Variants in MFHAS1 observed in about 807,000 individuals in gnomAD.
The protein encoded by MFHAS1 is malignant fibrous histiocytoma-amplified sequence 1.
In MFHAS1, 50 loss-of-function variants were observed where a neutral mutation model predicts 70.4. That is an observed-to-expected ratio of 0.71 (90% CI 0.57 to 0.90). The LOEUF is 0.90. Among genes scored for constraint, MFHAS1 ranks in the 40% least tolerant of loss-of-function variants. The pLI is 0.00. For missense variants in MFHAS1, 1,795 were observed against 1,347.6 expected, an observed-to-expected ratio of 1.33 and a Z score of -5.20; for synonymous variants, 952 against 620.0, an observed-to-expected ratio of 1.54 and a Z score of -7.96.
intron 2 of MFHAS1, among the ~76,000 whole-genome samples, chr8:8,787,291 A>C (rs998525392): frequency 6.6e-6 from 1 of 152,270 alleles, no homozygotes; most frequent in African/African-American, 2.4e-5. Flanking sequence ...CATGTTAGCC[A>C]GGATGATCTT....
chr8:8,786,407 C>G lies in MFHAS1; in HGVS notation c.3126-352G>C, dbSNP rs10107316. 6.6e-3 allele frequency among the ~76,000 whole-genome samples: 1,000 copies of G among 152,286 alleles called. 8 individuals carry two copies. The highest frequency in any genetic ancestry group is 0.022 in the African/African-American group (915 of 41,554). The stretch of plus-strand genomic sequence containing the variant: ...CTCTAAACACGGAACTGTTTCCTTT[C>G]AATAAACACACACGGTCACACGCAG... On this transcript the variant is annotated intron_variant, in intron 2 of 2. Transcript: ENST00000276282.
intron 1 of MFHAS1, among the ~76,000 whole-genome samples, chr8:8,870,486 TA>T (rs1197783769): frequency 6.6e-6 from 1 of 151,892 alleles, no homozygotes; most frequent in Non-Finnish European, 1.5e-5. Flanking sequence ...AAAAAAGGTT[TA>T]AAAAGAAAAC....
At chr8:8,821,501 G>A (rs1028548898) in intron 1 of MFHAS1, among the ~76,000 whole-genome samples, 2 of 152,162 alleles carry the variant, frequency 1.3e-5, no homozygotes, top group African/African-American at 4.8e-5. Flanking sequence ...AATGCCACAG[G>A]TTATGAAAAT....
chr8:8,890,048 T>A lies in MFHAS1; in HGVS notation c.2998+13A>T, dbSNP rs1049793982. 1 of 1,566,656 alleles carries A rather than the reference T, an allele frequency of 6.4e-7. No homozygotes were observed. The highest frequency in any genetic ancestry group is 1.8e-5 in the Admixed American group (1 of 56,244). On this transcript the variant is annotated intron_variant, in intron 1 of 2. Coordinates refer to ENST00000276282, the MANE Select transcript of MFHAS1 (RefSeq NM_004225.3). Reference sequence around the variant, plus strand: ...AGCATACCACAGAAGAACTTCTCCCTCTCTCCACTTACCTGGAAAAGCATG... The same window carrying A: ...AGCATACCACAGAAGAACTTCTCCCACTCTCCACTTACCTGGAAAAGCATG...
intron 1 of MFHAS1, among the ~76,000 whole-genome samples, chr8:8,869,669 T>C (rs1250333730): frequency 1.3e-5 from 2 of 152,074 alleles, no homozygotes; most frequent in African/African-American, 2.4e-5. Context: ...AAATTAATCT[T>C]ATCAAATCAC....
In MFHAS1 at chr8:8,892,392, T is replaced by A. The variant is rs1375653420; in HGVS notation, c.667A>T (p.Ile223Phe). ...SNRLRGLPED[I>F]SALRALKILW... ...ATCTTGAGGGCACGCAGGGCACTGA[T>A]ATCCTCAGGCAGGCCCCGCAGCCGG... The change falls in exon 1 of 3, where the codon ATC becomes TTC. Residue 223 changes from isoleucine to phenylalanine, a missense_variant. Transcript: ENST00000276282. The surrounding 1 kb of genome is among the most constrained non-coding windows in gnomAD (Gnocchi z 4.7). 6.2e-7 allele frequency: 1 copy of A among 1,612,598 alleles called. No homozygotes were observed. Among genetic ancestry groups the A allele is most frequent in the East Asian group, 2.2e-5 (1 of 44,816 alleles).
At chr8:8,858,782 G>A (rs1808550121) in intron 1 of MFHAS1, among the ~76,000 whole-genome samples, 1 of 152,108 alleles carries the variant, frequency 6.6e-6, no homozygotes, top group African/African-American at 2.4e-5. Flanking sequence ...GTGGACCCAA[G>A]CAGTTCAAAT....
At position 8,891,807 on chromosome 8, in the gene MFHAS1, T is replaced by C. The variant is rs1330195533; in HGVS notation, c.1252A>G (p.Lys418Glu). 2.5e-6 allele frequency: 4 copies of C among 1,613,190 alleles called. No individual in the cohort carries two copies. Among genetic ancestry groups the C allele is most frequent in the Admixed American group, 3.3e-5 (2 of 59,994 alleles). The change falls in exon 1 of 3, where the codon AAG (lysine) becomes GAG (glutamate). Residue 418 changes from lysine (K) to glutamate (E), a missense_variant. By Grantham distance (56) the Lys-to-Glu change is moderately conservative (BLOSUM62 1). Transcript: ENST00000276282. The surrounding 1 kb of genome is among the most constrained non-coding windows in gnomAD (Gnocchi z 5.4). Reference protein sequence around the residue: ...PRLKLLLMGHKAAGKTLLRHC... With the variant: ...PRLKLLLMGHEAAGKTLLRHC... ...CGCAGCAAAGTCTTTCCTGCAGCCT[T>C]ATGCCCCATCAGGAGCAGCTTGAGC...
In MFHAS1 at chr8:8,893,114, C is replaced by A. The variant is rs1420740613; in HGVS notation, c.-56G>T. On this transcript the variant is annotated 5_prime_UTR_variant, in exon 1 of 3. Transcript: ENST00000276282. Reference sequence around the variant, plus strand: ...GACGCGGGAGCCCGCAGCTACATGCCGCGCCGCGCCCCGGGCCCTCCGGCT... The same window carrying A: ...GACGCGGGAGCCCGCAGCTACATGCAGCGCCGCGCCCCGGGCCCTCCGGCT... The A allele has an allele frequency of 9.4e-6, 12 of 1,274,158 alleles. No individual in the cohort carries two copies. Among genetic ancestry groups the A allele is most frequent in the Non-Finnish European group, 1.2e-5 (12 of 982,000 alleles). 78.9% of individuals were successfully genotyped at this position (1,274,158 alleles called of 1,614,324 possible). A position where few individuals can be genotyped will look rare whatever the true frequency, so the allele number is the denominator to read the frequency against.
At chr8:8,854,526 A>AAAAAC (rs1808360555) in intron 1 of MFHAS1, among the ~76,000 whole-genome samples, 1 of 151,912 alleles carries the variant, frequency 6.6e-6, no homozygotes, top group African/African-American at 2.4e-5. Context: ...GTCTCAAAAA[A>AAAAAC]AAAAAAAAAT....
At chr8:8,862,157 G>C (rs921485647) in intron 1 of MFHAS1, among the ~76,000 whole-genome samples, 1 of 152,170 alleles carries the variant, frequency 6.6e-6, no homozygotes, top group African/African-American at 2.4e-5. Flanking sequence ...AGCAGCGTAG[G>C]AAAGCTCCAG....
intron 2 of MFHAS1, among the ~76,000 whole-genome samples, chr8:8,791,393 T>C (rs1222273516): frequency 6.6e-6 from 1 of 152,222 alleles, no homozygotes; most frequent in Non-Finnish European, 1.5e-5. Context: ...CATTTTCATA[T>C]GATGACCTGT....
intron 1 of MFHAS1, among the ~76,000 whole-genome samples, chr8:8,831,650 G>C (rs1223792428): frequency 6.6e-6 from 1 of 151,000 alleles, no homozygotes; most frequent in Non-Finnish European, 1.5e-5. Flanking sequence ...GTCTCACTCG[G>C]TCGCCCAGGC....
intron 2 of MFHAS1, among the ~76,000 whole-genome samples, chr8:8,796,947 G>C: frequency 1.3e-5 from 2 of 151,818 alleles, no homozygotes; most frequent in Non-Finnish European, 2.9e-5. Context: ...AGTGAGCCGA[G>C]ATCGCACCAC....
At position 8,891,568 on chromosome 8, in the gene MFHAS1, T is replaced by C. The variant is rs762118963; in HGVS notation, c.1491A>G (p.Leu497=). ...TGGCCAAGTTGACCACCAGCACGTATAGGGCCCCTGGGGACAGGAAGAAGG... is the reference window on the plus strand; with the variant it reads ...TGGCCAAGTTGACCACCAGCACGTACAGGGCCCCTGGGGACAGGAAGAAGG... ...IQPFFLSPGA[L]YVLVVNLATY... The change falls in exon 1 of 3, where the codon CTA becomes CTG. Residue 497 remains leucine, a synonymous_variant. Transcript: ENST00000276282. The surrounding 1 kb of genome is among the most constrained non-coding windows in gnomAD (Gnocchi z 5.4). 1.5e-5 allele frequency: 24 copies of C among 1,613,066 alleles called. No homozygotes were observed. The East Asian group carries it at 1.6e-4, about 10-fold the overall frequency.
chr8:8,798,386 C>A (rs1417138866), intron 1 of MFHAS1, among the ~76,000 whole-genome samples: 2 of 152,174 alleles, frequency 1.3e-5, no homozygotes, highest in African/African-American at 4.8e-5. Context: ...AGTGCAGTGG[C>A]CTAATCACAG....
chr8:8,848,401 A>G (rs932803601), intron 1 of MFHAS1, among the ~76,000 whole-genome samples: 2 of 151,756 alleles, frequency 1.3e-5, no homozygotes, highest in African/African-American at 2.4e-5. Flanking sequence ...GAGGAAGAAA[A>G]AAAAAAAAAA....
At chr8:8,872,050 G>C (rs990044726) in intron 1 of MFHAS1, among the ~76,000 whole-genome samples, 5 of 152,196 alleles carry the variant, frequency 3.3e-5, no homozygotes, top group African/African-American at 1.2e-4. Flanking sequence ...AAGGCAAAAA[G>C]TTATTCACAC....
chr8:8,833,900 C>T (rs1362566103), intron 1 of MFHAS1, among the ~76,000 whole-genome samples: 1 of 151,846 alleles, frequency 6.6e-6, no homozygotes, highest in African/African-American at 2.4e-5. Flanking sequence ...CTGAGGTGGG[C>T]GGATCACCTG....
Sources: allele counts gnomAD v4.1 joint callset (sites outside exome capture counted in the v4.1 genomes callset), GRCh38; gene constraint gnomAD v4.1.1; non-coding constraint Gnocchi (gnomAD v3.1); transcripts MANE v1.5; gene names NCBI Gene and HGNC (gene_info 2026-07-23, HGNC 2026-07-21).